WNT2B: variants seen among roughly 807,000 people sequenced by gnomAD.
WNT2B encodes the protein protein Wnt-2b.
A neutral mutation model predicts 40.5 loss-of-function variants in WNT2B; 19 were observed. The ratio of observed to expected loss-of-function variants is 0.47; its 90% CI spans 0.33 to 0.69. WNT2B has a LOEUF of 0.69. Ranked by LOEUF, WNT2B falls within the 30% of genes least tolerant of loss-of-function variation. The probability of loss-of-function intolerance (pLI) is 0.02; values close to 1 mark genes in which losing one functional copy is unlikely to be tolerated. For missense variants in WNT2B, 467 were observed against 556.4 expected (o/e 0.84, Z 1.62); for synonymous variants, 220 against 211.9 (o/e 1.04, Z -0.33).
intron 1 of WNT2B, among the ~76,000 whole-genome samples, chr1:112,499,981 G>A (rs983778908): frequency 5.3e-4 from 81 of 152,298 alleles, no homozygotes; most frequent in African/African-American, 1.9e-3. Flanking sequence ...CGATGGTCAT[G>A]TTGACATGAA....
intron 1 of WNT2B, among the ~76,000 whole-genome samples, chr1:112,503,569 A>G (rs1652023079): frequency 6.6e-6 from 1 of 151,404 alleles, no homozygotes; most frequent in South Asian, 2.1e-4. Context: ...AAAGCCACAG[A>G]GAGTCAGAAA....
At chr1:112,492,671 G>A (rs547244463) in intron 1 of WNT2B, among the ~76,000 whole-genome samples, 1 of 152,272 alleles carries the variant, frequency 6.6e-6, no homozygotes, top group South Asian at 2.1e-4. Context: ...CAGAACCTAA[G>A]CTTTTATTAT....
chr1:112,516,206 C>T lies in WNT2B; in HGVS notation c.470C>T (p.Ala157Val), dbSNP rs950102392. ...SAGVVHAITRACSQGELSVCS... is the reference protein window; with the variant it reads ...SAGVVHAITRVCSQGELSVCS... ...GGGGTAGTCCACGCTATTACTCGCGCCTGTAGCCAGGGTGAACTGAGTGTG... is the reference window on the plus strand; with the variant it reads ...GGGGTAGTCCACGCTATTACTCGCGTCTGTAGCCAGGGTGAACTGAGTGTG... The change falls in exon 3 of 5, where the codon GCC (alanine) becomes GTC (valine). Residue 157 changes from alanine to valine, a missense_variant. Physicochemically the swap from Ala to Val is moderately conservative, Grantham distance 64 (BLOSUM62 0). Transcript: ENST00000369684. 6.2e-7 allele frequency: 1 copy of T among 1,614,042 alleles called. No homozygotes were observed. The highest frequency in any genetic ancestry group is 8.5e-7 in the Non-Finnish European group (1 of 1,180,024).
intron 4 of WNT2B, among the ~76,000 whole-genome samples, chr1:112,518,592 T>A (rs937988610): frequency 6.6e-6 from 1 of 152,164 alleles, no homozygotes; most frequent in Non-Finnish European, 1.5e-5. Context: ...TCCCACTTGG[T>A]CTAATTCAGA....
intron 1 of WNT2B, among the ~76,000 whole-genome samples, chr1:112,476,856 A>G (rs939573719): frequency 4.6e-5 from 7 of 152,130 alleles, no homozygotes. Flanking sequence ...AATTGCATGT[A>G]TGCTCTAGAC....
chr1:112,476,269 A>G (rs1651050999), intron 1 of WNT2B, among the ~76,000 whole-genome samples: 1 of 152,246 alleles, frequency 6.6e-6, no homozygotes, highest in Non-Finnish European at 1.5e-5. Flanking sequence ...TAACATATCA[A>G]TATTTATGGG....
intron 1 of WNT2B, among the ~76,000 whole-genome samples, chr1:112,477,328 C>T (rs1343387831): frequency 1.3e-5 from 2 of 152,116 alleles, no homozygotes; most frequent in Admixed American, 6.5e-5. Flanking sequence ...TGTGGCTTCC[C>T]AGAGCTAGAA....
rs370244148 is a variant in WNT2B, at chr1:112,514,896, C to A, written c.205C>A (p.Arg69=). ...SWWYIGALGA[R]VICDNIPGLV... is the part of the protein sequence containing the mutation. ...CAGGTACATTGGGGCACTGGGGGCA[C>A]GAGTGATCTGTGACAATATCCCTGG... The change falls in exon 2 of 5, where the codon CGA becomes AGA. Residue 69 remains arginine, a synonymous_variant. Transcript: ENST00000369684. 5.0e-6 allele frequency: 8 copies of A among 1,614,216 alleles called. No homozygotes were observed. In the South Asian group the frequency reaches 8.8e-5, roughly 18 times the overall value.
rs372534893 is a variant in WNT2B at position 112,515,060 on chromosome 1, G to A, written c.369G>A (p.Arg123=). 1.3e-5 allele frequency: 21 copies of A among 1,614,170 alleles called. No individual in the cohort carries two copies. In the African/African-American group the frequency reaches 2.8e-4, roughly 22 times the overall value. Residue 123 remains arginine, a synonymous_variant, in exon 2 of 5, where the codon CGG becomes CGA. Coordinates refer to ENST00000369684, the MANE Select transcript of WNT2B (RefSeq NM_024494.3). This position sits in a 1 kb window ranked among gnomAD's most constrained non-coding sequence, Gnocchi z 4.4. ...GCTGGAACTGTACCACCCTGGACCGGGACCACACCGTCTTTGGCCGTGTCA... is the reference window on the plus strand; with the variant it reads ...GCTGGAACTGTACCACCCTGGACCGAGACCACACCGTCTTTGGCCGTGTCA... ...HHRWNCTTLD[R]DHTVFGRVML...
At chr1:112,520,248 T>G in intron 4 of WNT2B, 32 bp from the exon 5 acceptor site, 1 of 1,595,128 alleles carries the variant, frequency 6.3e-7, no homozygotes, top group Non-Finnish European at 8.6e-7. Context: ...AAGAGATAAC[T>G]TTGTTCTCAC....
intron 1 of WNT2B, 71 bp from the exon 2 acceptor site, chr1:112,514,803 C>T: frequency 6.8e-7 from 1 of 1,471,944 alleles, no homozygotes; most frequent in Non-Finnish European, 9.5e-7. Context: ...GCTAAACGTA[C>T]CCCTTCCTTA....
At chr1:112,486,157 A>ACACACACACACACACACACACACACACC (rs1557910656) in intron 1 of WNT2B, among the ~76,000 whole-genome samples, 5 of 151,280 alleles carry the variant, frequency 3.3e-5, no homozygotes, top group Non-Finnish European at 1.5e-5. Flanking sequence ...ACACACACAC[A>ACACACACACACACACACACACACACACC]CCAGGCTGGG....
intron 3 of WNT2B, 55 bp from the exon 4 acceptor site, chr1:112,517,066 C>G (rs1004410664): frequency 1.3e-6 from 2 of 1,572,934 alleles, no homozygotes; most frequent in African/African-American, 2.7e-5. Context: ...CTAGGGATGA[C>G]TAAAATGTGT....
chr1:112,479,582 T>A (rs547007480), intron 1 of WNT2B, among the ~76,000 whole-genome samples: 37 of 151,716 alleles, frequency 2.4e-4, no homozygotes, highest in East Asian at 1.8e-3. Context: ...TTAAAAAAAA[T>A]TTTTTTTCTA....
chr1:112,492,117 A>G (rs554612857), intron 1 of WNT2B, among the ~76,000 whole-genome samples: 1 of 152,340 alleles, frequency 6.6e-6, no homozygotes, highest in South Asian at 2.1e-4. Context: ...CTTATTTTCC[A>G]CAATATGTAA....
intron 4 of WNT2B, among the ~76,000 whole-genome samples, chr1:112,519,091 A>G (rs1289188080): frequency 2.0e-5 from 3 of 152,188 alleles, no homozygotes; most frequent in Admixed American, 2.0e-4. Context: ...AAGAGGACTT[A>G]AGACCCAGCC....
Position 112,481,853 on chromosome 1 carries a change from T to A in WNT2B, c.-95+14262T>A, listed in dbSNP as rs565878108. On this transcript the variant is annotated intron_variant, in intron 1 of 4. Coordinates refer to the WNT2B transcript ENST00000256640. The stretch of plus-strand genomic sequence containing the variant: ...AAGGAGACCCCCATATCTACAAAAA[T>A]TTTTTTAAATTAGTCGGGCATGGTG... Among the ~76,000 whole-genome samples the A allele has an allele frequency of 3.4e-4, 52 of 151,378 alleles. 1 individual carries two copies. The South Asian group carries it at 0.01, about 29-fold the overall frequency.
intron 1 of WNT2B, among the ~76,000 whole-genome samples, chr1:112,473,425 G>A (rs1650953966): frequency 6.6e-6 from 1 of 151,962 alleles, no homozygotes; most frequent in African/African-American, 2.4e-5. Context: ...AACTTCTAGA[G>A]ATGAAAATCC....
At position 112,473,139 on chromosome 1, in the gene WNT2B, G is replaced by GAGAAAGGAAGGAAGGA. The variant is rs1553229401; in HGVS notation, c.-95+5549_-95+5550insGAAAGGAAGGAAGGAA. ...AAAAGAAAGAAAAAAGAGAAAGAAA[G>GAGAAAGGAAGGAAGGA]AAGAAGGAAGGAAGGAAAAGAAAGA... On this transcript the variant is annotated intron_variant, in intron 1 of 4. Transcript: ENST00000256640. 1.2e-3 allele frequency among the ~76,000 whole-genome samples: 167 copies of GAGAAAGGAAGGAAGGA among 140,550 alleles called. 1 individual carries two copies. The highest frequency in any genetic ancestry group is 2.1e-3 in the Admixed American group (29 of 13,538). 92.2% of individuals were successfully genotyped at this position (140,550 alleles called of 152,430 possible). A position where few individuals can be genotyped will look rare whatever the true frequency, so the allele number is the denominator to read the frequency against.
Sources: allele counts gnomAD v4.1 joint callset (sites outside exome capture counted in the v4.1 genomes callset), GRCh38; gene constraint gnomAD v4.1.1; non-coding constraint Gnocchi (gnomAD v3.1); transcripts MANE v1.5; gene names NCBI Gene and HGNC (gene_info 2026-07-23, HGNC 2026-07-21).